The following ARHGEF3 variants were observed in gnomAD, a reference collection of about 807,000 sequenced individuals.
ARHGEF3 encodes 59.8 kDA protein.
In ARHGEF3, 28 loss-of-function variants were observed where a neutral mutation model predicts 63.2. The observed-to-expected ratio is 0.44, with a 90% CI of 0.33 to 0.61. ARHGEF3 has a LOEUF of 0.61. Among genes scored for constraint, ARHGEF3 ranks in the 20% least tolerant of loss-of-function variants. The probability of loss-of-function intolerance (pLI) is 0.03; values close to 1 mark genes in which losing one functional copy is unlikely to be tolerated. For missense variants in ARHGEF3, 533 were observed against 659.3 expected, an observed-to-expected ratio of 0.81 and a Z score of 2.10; for synonymous variants, 266 against 254.2, an observed-to-expected ratio of 1.05 and a Z score of -0.44.
At position 57,042,673 on chromosome 3, in the gene ARHGEF3, TATATATATATATATATATATATATA is replaced by T. The variant is rs1250945457; in HGVS notation, c.-27-7522_-27-7498del. ...ATAAATATATATATATATATATATATATATATATATATATATATATATATATATTTTTTTTTTTTTTTAGACGGAG... is the reference window on the plus strand; with the variant it reads ...ATAAATATATATATATATATATATATTATTTTTTTTTTTTTTTAGACGGAG... On this transcript the variant is annotated intron_variant, in intron 1 of 12. Transcript: ENST00000338458. 5.2e-3 allele frequency among the ~76,000 whole-genome samples: 194 copies of T among 37,632 alleles called. 17 individuals carry two copies. Among genetic ancestry groups the T allele is most frequent in the African/African-American group, 0.018 (171 of 9,576 alleles). 24.7% of individuals were successfully genotyped at this position (37,632 alleles called of 152,430 possible).
At chr3:56,981,521 T>C (rs1701326955) in intron 2 of ARHGEF3, among the ~76,000 whole-genome samples, 1 of 152,178 alleles carries the variant, frequency 6.6e-6, no homozygotes, top group Non-Finnish European at 1.5e-5. Flanking sequence ...CAGAGCTAGT[T>C]GTTGAATAAA....
chr3:56,910,489 TATA>T (rs1034280079), intron 3 of ARHGEF3, among the ~76,000 whole-genome samples: 5 of 152,192 alleles, frequency 3.3e-5, no homozygotes, highest in African/African-American at 1.2e-4. Flanking sequence ...GGTGATATAA[TATA>T]ATCTCAGACC....
chr3:57,065,759 C>T (rs57819893), intron 1 of ARHGEF3, among the ~76,000 whole-genome samples: 2,187 of 152,266 alleles, frequency 0.014, 50 homozygotes, highest in African/African-American at 0.048. Context: ...TGGTAGCCTG[C>T]GGAACAGGAG....
chr3:57,041,945 G>A (rs375537984), intron 1 of ARHGEF3, among the ~76,000 whole-genome samples: 29 of 152,264 alleles, frequency 1.9e-4, no homozygotes, highest in African/African-American at 6.5e-4. Context: ...GGCTAAAAAC[G>A]AGGCCACCAC....
intron 2 of ARHGEF3, among the ~76,000 whole-genome samples, chr3:56,768,212 C>T (rs2035815723): frequency 6.6e-6 from 1 of 151,708 alleles, no homozygotes; most frequent in Non-Finnish European, 1.5e-5. Flanking sequence ...CGTGTGCCAC[C>T]ACGCCCGGCT....
chr3:57,025,805 A>G (rs1363015580), intron 2 of ARHGEF3, among the ~76,000 whole-genome samples: 1 of 152,178 alleles, frequency 6.6e-6, no homozygotes, highest in East Asian at 1.9e-4. Context: ...TCACCAATGT[A>G]TCCATGAGCC....
At chr3:56,876,308 G>A (rs1175461360) in intron 4 of ARHGEF3, among the ~76,000 whole-genome samples, 1 of 152,184 alleles carries the variant, frequency 6.6e-6, no homozygotes, top group Admixed American at 6.5e-5. Context: ...TTGGAAAGAT[G>A]TCCCTGGCTG....
intron 4 of ARHGEF3, among the ~76,000 whole-genome samples, chr3:56,807,485 T>C (rs2037904891): frequency 6.6e-6 from 1 of 152,222 alleles, no homozygotes; most frequent in South Asian, 2.1e-4. Context: ...CTCTGTTTGC[T>C]TTCCCTGGTA....
At chr3:56,974,873 G>A (rs1354326582) in intron 2 of ARHGEF3, among the ~76,000 whole-genome samples, 1 of 152,178 alleles carries the variant, frequency 6.6e-6, no homozygotes, top group African/African-American at 2.4e-5. Context: ...CCTGGGGAGA[G>A]CCTGTTCTTT....
chr3:57,006,005 A>T (rs1428355821), intron 2 of ARHGEF3, among the ~76,000 whole-genome samples: 1 of 152,246 alleles, frequency 6.6e-6, no homozygotes, highest in Non-Finnish European at 1.5e-5. Flanking sequence ...CTTCAAGCCT[A>T]TAATTAACTT....
intron 2 of ARHGEF3, among the ~76,000 whole-genome samples, chr3:57,005,221 G>A (rs989263820): frequency 3.9e-5 from 6 of 152,142 alleles, no homozygotes; most frequent in African/African-American, 1.4e-4. Flanking sequence ...TAAAAGAAAT[G>A]ACAGCATTTA....
At chr3:57,026,691 G>C (rs188432197) in intron 2 of ARHGEF3, among the ~76,000 whole-genome samples, 5 of 152,182 alleles carry the variant, frequency 3.3e-5, no homozygotes, top group African/African-American at 1.2e-4. Flanking sequence ...GTGGGCCAGA[G>C]GCAAAACCCC....
At chr3:56,764,746 T>C (rs57620263) in intron 2 of ARHGEF3, among the ~76,000 whole-genome samples, 50,533 of 150,202 alleles carry the variant, frequency 0.34, 9,607 homozygotes, top group Middle Eastern at 0.56. Flanking sequence ...TAAATTACAA[T>C]AGTCAACAAA....
chr3:57,017,985 C>G (rs1219054009), intron 2 of ARHGEF3, among the ~76,000 whole-genome samples: 2 of 152,178 alleles, frequency 1.3e-5, no homozygotes, highest in Non-Finnish European at 2.9e-5. Context: ...AAACTTCATT[C>G]AAGATGCTTA....
At chr3:57,077,861 A>T (rs952258706) in intron 1 of ARHGEF3, among the ~76,000 whole-genome samples, 1 of 152,210 alleles carries the variant, frequency 6.6e-6, no homozygotes, top group Non-Finnish European at 1.5e-5. Context: ...GCACAAGGCT[A>T]GTTAGCCATA....
At chr3:56,992,189 G>A (rs1297158754) in intron 2 of ARHGEF3, among the ~76,000 whole-genome samples, 1 of 151,414 alleles carries the variant, frequency 6.6e-6, no homozygotes, top group Non-Finnish European at 1.5e-5. Flanking sequence ...TCCTCATCCT[G>A]CTAGTTCGCT....
chr3:57,074,358 A>G (rs1034211934), intron 1 of ARHGEF3: 10 of 1,111,180 alleles, frequency 9.0e-6, no homozygotes, highest in African/African-American at 3.1e-5. Context: ...CCCCACCCCC[A>G]CCAGGGGTGA....
chr3:56,890,157 C>G (rs1685064047), intron 3 of ARHGEF3, among the ~76,000 whole-genome samples: 2 of 152,174 alleles, frequency 1.3e-5, no homozygotes, highest in Non-Finnish European at 2.9e-5. Flanking sequence ...CTACATACCT[C>G]AAAGAAACTA....
intron 3 of ARHGEF3, among the ~76,000 whole-genome samples, chr3:56,914,971 A>T (rs1274908486): frequency 6.6e-6 from 1 of 152,206 alleles, no homozygotes; most frequent in Non-Finnish European, 1.5e-5. Flanking sequence ...ACAAAACTAT[A>T]TACTTAAAAT....
Sources: gnomAD v4.1 joint callset for allele counts (sites outside exome capture counted in the v4.1 genomes callset) on GRCh38, gnomAD v4.1.1 for gene constraint, MANE v1.5 for transcripts, NCBI Gene and HGNC (gene_info 2026-07-23, HGNC 2026-07-21) for gene names.